MACROD2: variants seen among roughly 807,000 people sequenced by gnomAD.
The protein encoded by MACROD2 is mono-ADP ribosylhydrolase 2, also known as ADP-ribose glycohydrolase MACROD2.
Under a neutral mutation model 70.4 loss-of-function variants are expected in MACROD2, and 36 were observed. The ratio of observed to expected loss-of-function variants is 0.51; its 90% confidence interval spans 0.39 to 0.68. The LOEUF (loss-of-function observed/expected upper bound fraction) is 0.68, where lower values mean the gene tolerates loss of function less well. MACROD2 is among the 30% of genes least tolerant of loss of function. The probability of loss-of-function intolerance (pLI) is 0.00; values close to 1 mark genes in which losing one functional copy is unlikely to be tolerated. For synonymous variants in MACROD2, 172 were observed against 178.8 expected (o/e 0.96, Z 0.30); for missense variants, 496 against 538.4 (o/e 0.92, Z 0.78).
intron 5 of MACROD2, among the ~76,000 whole-genome samples, chr20:15,134,642 A>G (rs1030059535): frequency 2.6e-5 from 4 of 152,004 alleles, no homozygotes; most frequent in African/African-American, 9.7e-5. Flanking sequence ...ACACCCTAAC[A>G]TCACAATTAA....
At position 14,808,468 on chromosome 20, in the gene MACROD2, C is replaced by T. The variant is rs577834053; in HGVS notation, c.418+123509C>T. On this transcript the variant is annotated intron_variant, in intron 5 of 17. Transcript: ENST00000684519. ...ATGGAAAGGAAAAACCAGTACCAGC[C>T]ACTGCAAAAACAACCCAAAATGTAA... Among the ~76,000 whole-genome samples the T allele has an allele frequency of 2.6e-5, 4 of 152,066 alleles. No homozygotes were observed. The South Asian group carries it at 8.3e-4, about 32-fold the overall frequency.
chr20:15,047,437 A>G (rs775084963), intron 5 of MACROD2, among the ~76,000 whole-genome samples: 1 of 152,246 alleles, frequency 6.6e-6, no homozygotes, highest in South Asian at 2.1e-4. Context: ...AATACAGGAC[A>G]CTTATGGAAT....
intron 5 of MACROD2, among the ~76,000 whole-genome samples, chr20:14,830,768 C>T (rs2072955366): frequency 6.6e-6 from 1 of 152,134 alleles, no homozygotes; most frequent in African/African-American, 2.4e-5. Flanking sequence ...CGTGATAGCA[C>T]AGTTTGTACT....
At chr20:15,531,000 C>CTTTTT (rs10676355) in intron 8 of MACROD2, among the ~76,000 whole-genome samples, 2 of 134,618 alleles carry the variant, frequency 1.5e-5, no homozygotes, top group African/African-American at 5.2e-5. Context: ...AATAACTTCG[C>CTTTTT]TTTTTTTTTT....
intron 13 of MACROD2, among the ~76,000 whole-genome samples, chr20:15,971,973 A>G (rs2066238045): frequency 6.6e-6 from 1 of 152,228 alleles, no homozygotes; most frequent in South Asian, 2.1e-4. Flanking sequence ...TCTGTTCCAC[A>G]TATTTACAAA....
chr20:14,122,568 G>A (rs371128809), intron 3 of MACROD2, among the ~76,000 whole-genome samples: 1 of 152,162 alleles, frequency 6.6e-6, no homozygotes, highest in Non-Finnish European at 1.5e-5. Context: ...GATTCCCAAG[G>A]AGGATCTGAT....
rs370689854 is a variant in MACROD2, at chr20:15,084,796, G to T, written c.419-145144G>T. The stretch of plus-strand genomic sequence containing the variant: ...GGACTATTCTTGAACAAAGGTGTTT[G>T]CCATACTCAGGGCAAACTTGTAATG... On this transcript the variant is annotated intron_variant, in intron 5 of 17. Coordinates refer to ENST00000684519, the MANE Select transcript of MACROD2 (RefSeq NM_001351661.2). 7.7e-4 allele frequency among the ~76,000 whole-genome samples: 118 copies of T among 152,272 alleles called. 1 individual carries two copies. The highest frequency in any genetic ancestry group is 2.7e-3 in the African/African-American group (112 of 41,556).
In MACROD2 at chr20:14,684,940, C is replaced by A. The variant is rs1568737797; in HGVS notation, c.399C>A (p.Gly133=). Residue 133 remains glycine, a synonymous_variant, in exon 5 of 18, where the codon GGC becomes GGA. Coordinates refer to ENST00000684519, the MANE Select transcript of MACROD2 (RefSeq NM_001351661.2). ...CTGGACATGCAAAAATCACATGTGG[C>A]TATGACCTTCCTGCAAAATGTGAGT... ...CDTGHAKITC[G]YDLPAKYVIH... 6.2e-7 allele frequency: 1 copy of A among 1,613,768 alleles called. No individual in the cohort carries two copies. The highest frequency in any genetic ancestry group is 1.3e-5 in the African/African-American group (1 of 75,016).
chr20:15,160,858 G>A (rs1222829549), intron 5 of MACROD2, among the ~76,000 whole-genome samples: 1 of 152,072 alleles, frequency 6.6e-6, no homozygotes, highest in East Asian at 1.9e-4. Flanking sequence ...CTTAATTTGA[G>A]CAGATGATAG....
rs572829157 is a variant in MACROD2, at chr20:15,563,244, G to A, written c.645+63397G>A. ...TCAGAGAAGATGGAGAAAGCTGAGA[G>A]ATACTAGTCTAGCTTGCTGTGCAAC... On this transcript the variant is annotated intron_variant, in intron 8 of 17. Transcript: ENST00000684519. 5.3e-5 allele frequency among the ~76,000 whole-genome samples: 8 copies of A among 152,300 alleles called. No homozygotes were observed. The East Asian group carries it at 9.7e-4, about 18-fold the overall frequency.
At chr20:15,543,315 C>G (rs1045992768) in intron 8 of MACROD2, among the ~76,000 whole-genome samples, 2 of 152,074 alleles carry the variant, frequency 1.3e-5, no homozygotes, top group African/African-American at 4.8e-5. Flanking sequence ...AGGCCCTACT[C>G]GTAAGATTAT....
intron 8 of MACROD2, among the ~76,000 whole-genome samples, chr20:15,673,801 C>G (rs2050016872): frequency 6.6e-6 from 1 of 151,376 alleles, no homozygotes; most frequent in Admixed American, 6.6e-5. Flanking sequence ...AAAAACAGCC[C>G]TGATCTCAAG....
At position 15,611,539 on chromosome 20, in the gene MACROD2, G is replaced by A. The variant is rs6135461; in HGVS notation, c.645+111692G>A. On this transcript the variant is annotated intron_variant, in intron 8 of 17. Coordinates refer to ENST00000684519, the MANE Select transcript of MACROD2 (RefSeq NM_001351661.2). The stretch of plus-strand genomic sequence containing the variant: ...CTATTCTTCTACTTCCAGTTGGTGT[G>A]CATGAAGGACCCTATAGTTATTTTA... Among the ~76,000 whole-genome samples, 138 of 152,146 alleles carry A rather than the reference G, an allele frequency of 9.1e-4. 2 individuals are homozygous for A. In the East Asian group the frequency reaches 0.026, roughly 28 times the overall value.
intron 5 of MACROD2, among the ~76,000 whole-genome samples, chr20:15,182,470 T>A (rs2076507243): frequency 6.6e-6 from 1 of 152,166 alleles, no homozygotes; most frequent in Non-Finnish European, 1.5e-5. Context: ...AAGAACCTAG[T>A]TGATTTTCCT....
chr20:16,006,800 G>C (rs1412571222), intron 15 of MACROD2, among the ~76,000 whole-genome samples: 2 of 152,132 alleles, frequency 1.3e-5, no homozygotes, highest in African/African-American at 4.8e-5. Context: ...CCAAGACTTG[G>C]GTAAAAGGAG....
At chr20:15,173,892 A>G (rs1003982594) in intron 5 of MACROD2, among the ~76,000 whole-genome samples, 3 of 152,196 alleles carry the variant, frequency 2.0e-5, no homozygotes, top group African/African-American at 7.2e-5. Flanking sequence ...TGTTGACTTT[A>G]TCTTTCTTAC....
At chr20:15,458,896 G>A (rs1026546927) in intron 7 of MACROD2, among the ~76,000 whole-genome samples, 13 of 152,078 alleles carry the variant, frequency 8.5e-5, no homozygotes, top group Admixed American at 1.3e-4. Context: ...TCAGTGGTGC[G>A]TACTGTGTGA....
At chr20:15,631,794 G>C (rs1454643569) in intron 8 of MACROD2, among the ~76,000 whole-genome samples, 1 of 152,166 alleles carries the variant, frequency 6.6e-6, no homozygotes, top group East Asian at 1.9e-4. Context: ...GCTCTTACCT[G>C]CAGACATTTT....
At chr20:14,109,605 G>C (rs1392256814) in intron 3 of MACROD2, among the ~76,000 whole-genome samples, 4 of 151,806 alleles carry the variant, frequency 2.6e-5, no homozygotes, top group Non-Finnish European at 5.9e-5. Flanking sequence ...ATCACTAGTA[G>C]CTACTATGAG....
Sources: gnomAD v4.1 joint callset for allele counts (sites outside exome capture counted in the v4.1 genomes callset) on GRCh38, gnomAD v4.1.1 for gene constraint, MANE v1.5 for transcripts, NCBI Gene and HGNC (gene_info 2026-07-23, HGNC 2026-07-21) for gene names.